The following CCDC158 variants were observed in gnomAD, a reference collection of about 807,000 sequenced individuals.
The protein encoded by CCDC158 is coiled-coil domain-containing protein 158.
In CCDC158, 116 loss-of-function variants were observed where a neutral mutation model predicts 138.6. The observed-to-expected ratio is 0.84, with a 90% CI of 0.72 to 0.98. The LOEUF (loss-of-function observed/expected upper bound fraction) is 0.98, where lower values mean the gene tolerates loss of function less well. Ranked by LOEUF, CCDC158 falls within the 50% of genes least tolerant of loss-of-function variation. The pLI, the probability that CCDC158 is intolerant of heterozygous loss-of-function variation, is 0.00. For missense variants in CCDC158, 1,265 were observed against 1,306.1 expected (o/e 0.97, Z 0.48); for synonymous variants, 436 against 442.4 (o/e 0.99, Z 0.18).
chr4:76,381,881 C>T (rs1726282484), intron 8 of CCDC158, among the ~76,000 whole-genome samples: 1 of 152,022 alleles, frequency 6.6e-6, no homozygotes, highest in Non-Finnish European at 1.5e-5. Flanking sequence ...CAGGGTTTCA[C>T]CGTGTTAGCC....
chr4:76,352,495 T>C (rs566467029), intron 16 of CCDC158: 1 of 152,284 alleles, frequency 6.6e-6, no homozygotes, highest in Admixed American at 6.5e-5. Context: ...GAAACAAAGG[T>C]AGCAGAGATG....
chr4:76,335,748 CTTTTTTGTAGAATGGAGT>C (rs1721422828), intron 18 of CCDC158, among the ~76,000 whole-genome samples: 1 of 152,064 alleles, frequency 6.6e-6, no homozygotes, highest in Non-Finnish European at 1.5e-5. Flanking sequence ...GACCAGCTAA[CTTTTTTGTAGAATGGAGT>C]TTTGCCATGT....
At chr4:76,407,663 T>C in intron 2 of CCDC158, among the ~76,000 whole-genome samples, 1 of 152,214 alleles carries the variant, frequency 6.6e-6, no homozygotes, top group South Asian at 2.1e-4. Flanking sequence ...TAGAGATCAA[T>C]CAGAAGCATA....
At chr4:76,341,786 T>C (rs1462448515) in intron 18 of CCDC158, among the ~76,000 whole-genome samples, 1 of 152,228 alleles carries the variant, frequency 6.6e-6, no homozygotes, top group Non-Finnish European at 1.5e-5. Flanking sequence ...AATCACATAA[T>C]ATTACTTTTC....
chr4:76,358,942 C>G (rs1723846390), intron 13 of CCDC158, among the ~76,000 whole-genome samples: 2 of 152,182 alleles, frequency 1.3e-5, no homozygotes, highest in South Asian at 4.1e-4. Flanking sequence ...TGTTCTGACC[C>G]AAATCGCATG....
At chr4:76,373,595 T>C (rs1725443729) in intron 9 of CCDC158, among the ~76,000 whole-genome samples, 1 of 152,184 alleles carries the variant, frequency 6.6e-6, no homozygotes, top group Non-Finnish European at 1.5e-5. Flanking sequence ...TCAACACATA[T>C]TGAATTATAT....
chr4:76,354,785 T>C (rs1723386148), intron 15 of CCDC158, among the ~76,000 whole-genome samples: 1 of 152,162 alleles, frequency 6.6e-6, no homozygotes, highest in Non-Finnish European at 1.5e-5. Context: ...CTCCTCCTAC[T>C]CCTCCACAAT....
chr4:76,393,893 G>A (rs1337887994), intron 4 of CCDC158, among the ~76,000 whole-genome samples: 1 of 152,074 alleles, frequency 6.6e-6, no homozygotes, highest in Non-Finnish European at 1.5e-5. Flanking sequence ...CAACATCACT[G>A]ATCATTAGAG....
At chr4:76,393,058 C>G (rs1164028523) in intron 4 of CCDC158, among the ~76,000 whole-genome samples, 1 of 151,970 alleles carries the variant, frequency 6.6e-6, no homozygotes, top group South Asian at 2.1e-4. Context: ...CCATACAATC[C>G]AAAGCAATCT....
At chr4:76,415,237 T>C (rs927311291) in intron 1 of CCDC158, among the ~76,000 whole-genome samples, 28 of 152,286 alleles carry the variant, frequency 1.8e-4, no homozygotes, top group Non-Finnish European at 3.2e-4. Flanking sequence ...ACTTTGATCT[T>C]GAGAGAGATG....
intron 15 of CCDC158, 117 bp downstream of exon 15, chr4:76,355,207 C>T (rs1723425182): frequency 1.0e-5 from 7 of 686,550 alleles, no homozygotes; most frequent in Non-Finnish European, 1.8e-5. Flanking sequence ...GTTCTCTCAC[C>T]TAGAAATAAG....
intron 2 of CCDC158, among the ~76,000 whole-genome samples, chr4:76,405,671 G>A (rs1404397297): frequency 3.3e-5 from 5 of 152,000 alleles, no homozygotes; most frequent in East Asian, 1.9e-4. Context: ...AACTAAAAAC[G>A]GAAGGAAGAG....
At chr4:76,315,255 G>A (rs1463488757) in intron 24 of CCDC158, among the ~76,000 whole-genome samples, 1 of 152,070 alleles carries the variant, frequency 6.6e-6, no homozygotes, top group Non-Finnish European at 1.5e-5. Context: ...AGTGGCCACG[G>A]CAAGCCCTAC....
At chr4:76,382,387 A>G (rs1399737795) in intron 8 of CCDC158, among the ~76,000 whole-genome samples, 1 of 152,222 alleles carries the variant, frequency 6.6e-6, no homozygotes, top group Non-Finnish European at 1.5e-5. Context: ...TACTTAAAAC[A>G]GCCAATCCCA....
In CCDC158 at chr4:76,379,379, T is replaced by C. The variant is rs773575318; in HGVS notation, c.940A>G (p.Met314Val). Reference protein sequence around the residue: ...IQEQARNQNSMYMRQLSDLES... With the variant: ...IQEQARNQNSVYMRQLSDLES... Reference sequence around the variant, plus strand: ...AGATCGCTGAGCTGACGCATATACATAGAGTTTTGGTTTCTTGCTTGCTCT... The same window carrying C: ...AGATCGCTGAGCTGACGCATATACACAGAGTTTTGGTTTCTTGCTTGCTCT... The change falls in exon 9 of 25, where the codon ATG becomes GTG. Residue 314 changes from methionine (M) to valine (V), a missense_variant. By Grantham distance (21) the Met-to-Val change is conservative. Coordinates refer to ENST00000682701, the MANE Select transcript of CCDC158 (RefSeq NM_001394954.1). 13 of 1,604,576 alleles carry C rather than the reference T, an allele frequency of 8.1e-6. No individual in the cohort carries two copies. The highest frequency in any genetic ancestry group is 1.0e-5 in the Non-Finnish European group (12 of 1,176,714).
rs866816953 is a variant in CCDC158 at position 76,317,008 on chromosome 4, C to T, written c.3278-3762G>A. On this transcript the variant is annotated intron_variant, in intron 24 of 24. Coordinates refer to ENST00000682701, the MANE Select transcript of CCDC158 (RefSeq NM_001394954.1). ...TCTTGAAATAAAACCTCAAAACACA[C>T]CAAAATTGAACCATCTTAAAGCATA... Among the ~76,000 whole-genome samples the T allele has an allele frequency of 4.0e-5, 6 of 148,928 alleles. No homozygotes were observed. In the South Asian group the frequency reaches 8.4e-4, roughly 21 times the overall value.
rs1728366003 is a variant in CCDC158, at chr4:76,401,292, A to C, written c.70+1846T>G. 8.2e-6 allele frequency: 4 copies of C among 485,028 alleles called. No individual in the cohort carries two copies. The East Asian group carries it at 2.4e-4, about 29-fold the overall frequency. 30.0% of individuals were successfully genotyped at this position (485,028 alleles called of 1,614,324 possible). On this transcript the variant is annotated intron_variant, in intron 3 of 24. Transcript: ENST00000682701. The stretch of plus-strand genomic sequence containing the variant: ...AACACCCATCAGACTTTCTATAAAA[A>C]GTGTGGCAAGCACCAACTCCACAAA...
At chr4:76,361,536 T>C (rs977242901) in intron 13 of CCDC158, among the ~76,000 whole-genome samples, 3 of 152,208 alleles carry the variant, frequency 2.0e-5, no homozygotes, top group Non-Finnish European at 4.4e-5. Flanking sequence ...CACTCCAACC[T>C]GGTGGACAGA....
intron 4 of CCDC158, 24 bp downstream of exon 4, chr4:76,396,245 G>C: frequency 1.3e-6 from 2 of 1,527,420 alleles, no homozygotes; most frequent in Non-Finnish European, 1.8e-6. Context: ...ATAGCATCAG[G>C]TGCTAGAAGA....
Sources: gnomAD v4.1 joint callset for allele counts (sites outside exome capture counted in the v4.1 genomes callset) on GRCh38, gnomAD v4.1.1 for gene constraint, MANE v1.5 for transcripts, NCBI Gene and HGNC (gene_info 2026-07-23, HGNC 2026-07-21) for gene names.